The following VIPR2 variants were observed in gnomAD, a reference collection of about 807,000 sequenced individuals.
The protein encoded by VIPR2 is vasoactive intestinal peptide receptor 2, also known as vasoactive intestinal polypeptide receptor 2.
In VIPR2, 48 loss-of-function variants were observed where a neutral mutation model predicts 58.0. The ratio of observed to expected loss-of-function variants is 0.83; its 90% confidence interval spans 0.66 to 1.05. VIPR2 has a LOEUF of 1.05. Ranked by LOEUF, VIPR2 falls within the 50% of genes least tolerant of loss-of-function variation. VIPR2 has a pLI of 0.00. For missense variants in VIPR2, 534 were observed against 558.0 expected (o/e 0.96, Z 0.43); for synonymous variants, 243 against 235.2 (o/e 1.03, Z -0.30).
At chr7:159,092,084 A>C (rs1484420949) in intron 4 of VIPR2, among the ~76,000 whole-genome samples, 1 of 152,220 alleles carries the variant, frequency 6.6e-6, no homozygotes, top group Admixed American at 6.5e-5. Flanking sequence ...AGTCCCTCAG[A>C]AAACGGAGGT....
At chr7:159,086,767 CACCCCGTAGGA>C (rs775269316) in intron 4 of VIPR2, among the ~76,000 whole-genome samples, 2 of 152,336 alleles carry the variant, frequency 1.3e-5, no homozygotes, top group South Asian at 4.1e-4. Flanking sequence ...GCTTGCTTCC[CACCCCGTAGGA>C]TGGCACAAAG....
At chr7:159,122,449 C>A (rs1006044794) in intron 2 of VIPR2, among the ~76,000 whole-genome samples, 1 of 152,184 alleles carries the variant, frequency 6.6e-6, no homozygotes. Context: ...CTTGCTTCTG[C>A]GGAGCTCACC....
At position 159,028,954 on chromosome 7, in the gene VIPR2, A is replaced by C. The variant is rs567470396; in HGVS notation, c.*1662T>G. ...CAGAGGGGTGTGGCCGGCGTGGCCC[A>C]GGGTGTGCAGGACAGGGTGCGGACC... On this transcript the variant is annotated 3_prime_UTR_variant, in exon 13 of 13. Coordinates refer to ENST00000262178, the MANE Select transcript of VIPR2 (RefSeq NM_003382.5). 3.9e-5 allele frequency: 6 copies of C among 152,750 alleles called. No individual in the cohort carries two copies. The highest frequency in any genetic ancestry group is 7.3e-5 in the Non-Finnish European group (5 of 68,362). 9.5% of individuals were successfully genotyped at this position (152,750 alleles called of 1,614,324 possible). A position where few individuals can be genotyped will look rare whatever the true frequency, so the allele number is the denominator to read the frequency against.
chr7:159,129,043 C>T (rs1039921434), intron 2 of VIPR2, among the ~76,000 whole-genome samples: 4 of 152,362 alleles, frequency 2.6e-5, no homozygotes, highest in East Asian at 1.9e-4. Flanking sequence ...GGCAATGGCA[C>T]GCACGTCTGC....
At position 159,098,991 on chromosome 7, in the gene VIPR2, C is replaced by T. The variant is rs374141643; in HGVS notation, c.357+4766G>A. Reference sequence around the variant, plus strand: ...GGCCCAGGACCGTGCATGTCCACCCCGTGGCTGCCTGGGGCCTGTTCTGGT... The same window carrying T: ...GGCCCAGGACCGTGCATGTCCACCCTGTGGCTGCCTGGGGCCTGTTCTGGT... On this transcript the variant is annotated intron_variant, in intron 4 of 12. Transcript: ENST00000262178. The surrounding 1 kb of genome is among the most constrained non-coding windows in gnomAD (Gnocchi z 5.2). Among the ~76,000 whole-genome samples the T allele has an allele frequency of 1.1e-4, 17 of 152,326 alleles. No homozygotes were observed. Among genetic ancestry groups the T allele is most frequent in the South Asian group, 2.1e-4 (1 of 4,828 alleles).
chr7:159,088,371 C>G (rs1857298347), intron 4 of VIPR2, among the ~76,000 whole-genome samples: 1 of 151,874 alleles, frequency 6.6e-6, no homozygotes, highest in Non-Finnish European at 1.5e-5. Flanking sequence ...CCTGCTGTAG[C>G]ATACCTGTAC....
intron 2 of VIPR2, among the ~76,000 whole-genome samples, chr7:159,129,302 C>T (rs1255403474): frequency 3.1e-5 from 4 of 129,702 alleles, no homozygotes; most frequent in African/African-American, 1.2e-4. Flanking sequence ...GCCAGGTGAC[C>T]AGCTTCACAC....
intron 2 of VIPR2, 41 bp downstream of exon 2, chr7:159,142,405 G>C: frequency 6.7e-7 from 1 of 1,484,472 alleles, no homozygotes; most frequent in Non-Finnish European, 9.4e-7. Context: ...TCCCGGGTGA[G>C]AATGTCACGG....
In VIPR2 at chr7:159,030,781, G is replaced by A. The variant is rs770995755; in HGVS notation, c.1152C>T (p.Cys384=). 4 of 1,591,468 alleles carry A rather than the reference G, an allele frequency of 2.5e-6. No individual in the cohort carries two copies. The highest frequency in any genetic ancestry group is 1.7e-5 in the Admixed American group (1 of 58,452). ...GGCTTCGCCATTTTCGCTTCAGCTC[G>A]CACTGCACCTGGGAGGTGAGGGCAG... ...LYCFLNSEVQ[C]ELKRKWRSRC... is the part of the protein sequence containing the mutation. Residue 384 remains cysteine (C), a synonymous_variant, in exon 13 of 13, where the codon TGC becomes TGT. Coordinates refer to ENST00000262178, the MANE Select transcript of VIPR2 (RefSeq NM_003382.5).
chr7:159,143,864 C>T (rs771775095), intron 1 of VIPR2, among the ~76,000 whole-genome samples: 5 of 152,406 alleles, frequency 3.3e-5, no homozygotes, highest in African/African-American at 1.2e-4. Context: ...AAAGCGCCCA[C>T]CCTCGAGGGA....
At chr7:159,084,370 G>A (rs903560769) in intron 4 of VIPR2, among the ~76,000 whole-genome samples, 1 of 152,230 alleles carries the variant, frequency 6.6e-6, no homozygotes, top group Admixed American at 6.5e-5. Flanking sequence ...CACGCTGGAG[G>A]GCAGTGCCGC....
In VIPR2 at chr7:159,109,478, G is replaced by A. The variant is rs1004096310; in HGVS notation, c.259+334C>T. Among the ~76,000 whole-genome samples, 11 of 152,318 alleles carry A rather than the reference G, an allele frequency of 7.2e-5. 1 individual carries two copies. The highest frequency in any genetic ancestry group is 2.1e-4 in the South Asian group (1 of 4,822). On this transcript the variant is annotated intron_variant, in intron 3 of 12. Coordinates refer to ENST00000262178, the MANE Select transcript of VIPR2 (RefSeq NM_003382.5). Reference sequence around the variant, plus strand: ...GTGTGCTCTCTGGGGCTCACAGGCCGACTCAGTGGGAGGAGGGGAGCCTCC... The same window carrying A: ...GTGTGCTCTCTGGGGCTCACAGGCCAACTCAGTGGGAGGAGGGGAGCCTCC...
At chr7:159,062,546 G>A (rs1225720170) in intron 4 of VIPR2, among the ~76,000 whole-genome samples, 3 of 151,840 alleles carry the variant, frequency 2.0e-5, no homozygotes, top group South Asian at 2.1e-4. Flanking sequence ...CATTCCTCCC[G>A]CCCAGAGTTA....
In VIPR2 at chr7:159,030,657, G is replaced by T; in HGVS notation, c.1276C>A (p.Arg426Ser). Reference sequence around the variant, plus strand: ...TCCGTTTGCAGGAAGGACTGGGCGCGGGAGCCGCGGTGGAACTGCAGGGCG... The same window carrying T: ...TCCGTTTGCAGGAAGGACTGGGCGCTGGAGCCGCGGTGGAACTGCAGGGCG... ...EGALQFHRGS[R>S]AQSFLQTETS... The change falls in exon 13 of 13, where the codon CGC becomes AGC. Residue 426 changes from arginine (R) to serine (S), a missense_variant. Physicochemically the swap from Arg to Ser is moderately radical, Grantham distance 110. Around this residue, in one of 3 missense-constraint regions of VIPR2, gnomAD observed 306 missense variants for 285.8 expected, o/e 1.07. Coordinates refer to ENST00000262178, the MANE Select transcript of VIPR2 (RefSeq NM_003382.5). 3 of 1,560,072 alleles carry T rather than the reference G, an allele frequency of 1.9e-6. No homozygotes were observed. Among genetic ancestry groups the T allele is most frequent in the East Asian group, 2.4e-5 (1 of 41,906 alleles).
At chr7:159,139,270 C>T (rs1797357740) in intron 2 of VIPR2, among the ~76,000 whole-genome samples, 1 of 152,194 alleles carries the variant, frequency 6.6e-6, no homozygotes, top group Non-Finnish European at 1.5e-5. Flanking sequence ...TTGCCAGCAG[C>T]CTCCTTTTGA....
At chr7:159,076,833 A>G (rs1315424493) in intron 4 of VIPR2, among the ~76,000 whole-genome samples, 1 of 152,226 alleles carries the variant, frequency 6.6e-6, no homozygotes, top group Non-Finnish European at 1.5e-5. Context: ...AGAAAAGGAT[A>G]TACCTTCAGA....
intron 4 of VIPR2, among the ~76,000 whole-genome samples, chr7:159,058,916 C>T (rs527390744): frequency 3.3e-5 from 5 of 152,272 alleles, no homozygotes; most frequent in African/African-American, 7.2e-5. Flanking sequence ...AGTCTGTCTC[C>T]GAGGCAGCAC....
At position 159,031,656 on chromosome 7, in the gene VIPR2, T is replaced by G. The variant is rs564337048; in HGVS notation, c.1143+172A>C. The G allele has an allele frequency of 4.6e-4, 455 of 985,208 alleles. 2 individuals carry two copies. In the African/African-American group the frequency reaches 7.5e-3, roughly 16 times the overall value. The allele number at this position is 985,208 out of a possible 1,614,324, so 61.0% of individuals were successfully genotyped here. On this transcript the variant is annotated intron_variant, in intron 12 of 12. Coordinates refer to ENST00000262178, the MANE Select transcript of VIPR2 (RefSeq NM_003382.5). The surrounding 1 kb of genome is among the most constrained non-coding windows in gnomAD (Gnocchi z 4.0). ...TGGAAGCTGGGCCCAGAAGAGTGGG[T>G]TTGCCTGTGTCGTTGTGGGTTCTCT... is the stretch of plus-strand genomic sequence containing the variant.
At chr7:159,130,217 G>C (rs1016490792) in intron 2 of VIPR2, among the ~76,000 whole-genome samples, 1 of 152,154 alleles carries the variant, frequency 6.6e-6, no homozygotes. Context: ...AGCTAACTTC[G>C]AGAGACTTTT....
Sources: gnomAD v4.1 joint callset for allele counts (sites outside exome capture counted in the v4.1 genomes callset) on GRCh38, gnomAD v4.1.1 for gene constraint, gnomAD v4.1.1 regional missense constraint, Gnocchi (gnomAD v3.1) non-coding constraint, MANE v1.5 for transcripts, NCBI Gene and HGNC (gene_info 2026-07-23, HGNC 2026-07-21) for gene names.